Variants in MYO1E observed in about 807,000 individuals in gnomAD.
MYO1E encodes myosin IE.
A neutral mutation model predicts 151.1 loss-of-function variants in MYO1E; 68 were observed. The ratio of observed to expected loss-of-function variants is 0.45; its 90% CI spans 0.37 to 0.55. MYO1E has a LOEUF of 0.55. Among genes scored for constraint, MYO1E ranks in the 20% least tolerant of loss-of-function variants. The pLI, the probability that MYO1E is intolerant of heterozygous loss-of-function variation, is 0.00. For synonymous variants in MYO1E, 601 were observed against 501.7 expected (o/e 1.20, Z -2.64); for missense variants, 1,363 against 1,389.3 (o/e 0.98, Z 0.30).
chr15:59,221,660 CTAGT>C, intron 9 of MYO1E, among the ~76,000 whole-genome samples: 1 of 152,144 alleles, frequency 6.6e-6, no homozygotes, highest in Non-Finnish European at 1.5e-5. Context: ...TCCATCGCCT[CTAGT>C]CAGGGAATTT....
chr15:59,209,455 A>G (rs574642460), intron 13 of MYO1E, among the ~76,000 whole-genome samples: 2 of 151,844 alleles, frequency 1.3e-5, no homozygotes, highest in Non-Finnish European at 2.9e-5. Context: ...AGGGGGGTGG[A>G]TCACGAGGTC....
intron 17 of MYO1E, among the ~76,000 whole-genome samples, chr15:59,194,175 CAA>C (rs35566951): frequency 2.5e-5 from 3 of 121,214 alleles, no homozygotes; most frequent in Non-Finnish European, 3.6e-5. Flanking sequence ...CTCTTGTCTC[CAA>C]AAAAAAAAAA....
chr15:59,293,914 ATGCCTGTGGTCCCTGCTACT>A (rs2080434474), intron 1 of MYO1E, among the ~76,000 whole-genome samples: 2 of 152,156 alleles, frequency 1.3e-5, no homozygotes, highest in Non-Finnish European at 2.9e-5. Context: ...ATGGTGGCGC[ATGCCTGTGGTCCCTGCTACT>A]TGGGAAGCTG....
intron 16 of MYO1E, among the ~76,000 whole-genome samples, chr15:59,196,428 G>A (rs553538652): frequency 1.3e-5 from 2 of 152,198 alleles, no homozygotes; most frequent in South Asian, 4.1e-4. Context: ...ACACCCTGTG[G>A]GTCCAAGGAT....
At chr15:59,231,217 C>T (rs761908379) in intron 6 of MYO1E, among the ~76,000 whole-genome samples, 1 of 152,188 alleles carries the variant, frequency 6.6e-6, no homozygotes, top group Non-Finnish European at 1.5e-5. Flanking sequence ...GGTGGGCAGG[C>T]AGCTCGCTCT....
intron 1 of MYO1E, among the ~76,000 whole-genome samples, chr15:59,275,437 T>A (rs1320349417): frequency 6.6e-6 from 1 of 151,990 alleles, no homozygotes; most frequent in Non-Finnish European, 1.5e-5. Flanking sequence ...CCCTTCCCTG[T>A]CTCTCCCTCC....
At chr15:59,351,650 TA>T (rs1412293032) in intron 1 of MYO1E, among the ~76,000 whole-genome samples, 1 of 152,100 alleles carries the variant, frequency 6.6e-6, no homozygotes, top group African/African-American at 2.4e-5. Context: ...GAAACGCTTA[TA>T]ATGTTCCCAG....
intron 2 of MYO1E, among the ~76,000 whole-genome samples, chr15:59,271,672 G>A (rs1457185972): frequency 1.3e-5 from 2 of 152,186 alleles, no homozygotes; most frequent in Non-Finnish European, 2.9e-5. Flanking sequence ...ACTGAAGAAC[G>A]TCAAGCATTT....
chr15:59,176,295 C>T (rs1444827599), intron 19 of MYO1E, among the ~76,000 whole-genome samples: 3 of 152,090 alleles, frequency 2.0e-5, no homozygotes, highest in African/African-American at 4.8e-5. Flanking sequence ...CTCCTGACCT[C>T]GTGATCTGCC....
intron 5 of MYO1E, among the ~76,000 whole-genome samples, 168 bp downstream of exon 5, chr15:59,236,417 C>T (rs1204182317): frequency 7.6e-6 from 1 of 132,020 alleles, no homozygotes; most frequent in Non-Finnish European, 1.7e-5. Context: ...CACACACACA[C>T]ACAAACACAC....
At chr15:59,218,263 C>T (rs1472349448) in intron 9 of MYO1E, 176 bp from the exon 10 acceptor site, 1 of 732,386 alleles carries the variant, frequency 1.4e-6, no homozygotes, top group Non-Finnish European at 2.4e-6. Flanking sequence ...ATCCCATACA[C>T]ATCCATCTCC....
intron 1 of MYO1E, among the ~76,000 whole-genome samples, chr15:59,324,977 G>A (rs140624805): frequency 4.1e-4 from 59 of 145,330 alleles, no homozygotes; most frequent in African/African-American, 1.4e-3. Flanking sequence ...CCTTTTGACT[G>A]AAGAACTATC....
At chr15:59,201,781 T>C (rs1015311654) in intron 16 of MYO1E, among the ~76,000 whole-genome samples, 1 of 152,236 alleles carries the variant, frequency 6.6e-6, no homozygotes, top group Non-Finnish European at 1.5e-5. Context: ...GAACCCTGCC[T>C]ACTTCCTGAG....
chr15:59,272,813 G>A (rs1287237495), intron 1 of MYO1E, among the ~76,000 whole-genome samples: 2 of 152,228 alleles, frequency 1.3e-5, no homozygotes, highest in Non-Finnish European at 2.9e-5. Context: ...ACGGTTGACA[G>A]TCTCGGATGA....
chr15:59,194,229 C>T (rs964731239), intron 17 of MYO1E, among the ~76,000 whole-genome samples: 8 of 151,798 alleles, frequency 5.3e-5, no homozygotes, highest in Admixed American at 5.3e-4. Context: ...TTATTCAGAA[C>T]ATAGTGGCCT....
intron 1 of MYO1E, among the ~76,000 whole-genome samples, chr15:59,298,112 T>C (rs1470273387): frequency 6.6e-6 from 1 of 152,198 alleles, no homozygotes; most frequent in Non-Finnish European, 1.5e-5. Flanking sequence ...CCCCACTGCG[T>C]AATTTTTCCT....
chr15:59,260,540 T>C (rs973625975), intron 3 of MYO1E, among the ~76,000 whole-genome samples: 8 of 152,176 alleles, frequency 5.3e-5, no homozygotes, highest in Admixed American at 2.0e-4. Context: ...AGGAAAAAGA[T>C]GCAGAGATGG....
At chr15:59,287,791 T>C (rs991758842) in intron 1 of MYO1E, among the ~76,000 whole-genome samples, 1 of 152,166 alleles carries the variant, frequency 6.6e-6, no homozygotes, top group South Asian at 2.1e-4. Flanking sequence ...CACCCTAAGA[T>C]AGGATGGCCT....
chr15:59,258,208 G>A (rs936532238), intron 3 of MYO1E, among the ~76,000 whole-genome samples: 10 of 152,184 alleles, frequency 6.6e-5, no homozygotes, highest in Admixed American at 3.9e-4. Flanking sequence ...TTAGCCAGGC[G>A]TGTTGGCAGA....
Sources: allele counts gnomAD v4.1 joint callset (sites outside exome capture counted in the v4.1 genomes callset), GRCh38; gene constraint gnomAD v4.1.1; transcripts MANE v1.5; gene names NCBI Gene and HGNC (gene_info 2026-07-23, HGNC 2026-07-21).